The following ZDHHC14 variants were observed in gnomAD, a reference collection of about 807,000 sequenced individuals.
ZDHHC14 encodes the protein zDHHC palmitoyltransferase 14.
A neutral mutation model predicts 47.7 loss-of-function variants in ZDHHC14; 16 were observed. The ratio of observed to expected loss-of-function variants is 0.34; its 90% CI spans 0.23 to 0.51. The LOEUF (loss-of-function observed/expected upper bound fraction) is 0.51. ZDHHC14 is among the 20% of genes least tolerant of loss of function. ZDHHC14 has a pLI of 0.97. For missense variants in ZDHHC14, 515 were observed against 662.5 expected, an observed-to-expected ratio of 0.78 and a Z score of 2.44; for synonymous variants, 293 against 278.9, an observed-to-expected ratio of 1.05 and a Z score of -0.50.
intron 1 of ZDHHC14, among the ~76,000 whole-genome samples, chr6:157,512,477 C>G (rs569879833): frequency 6.6e-6 from 1 of 152,344 alleles, no homozygotes; most frequent in African/African-American, 2.4e-5. Flanking sequence ...GTCCGTGGCT[C>G]ACAGTTCATG....
At chr6:157,490,206 T>G (rs1232633689) in intron 1 of ZDHHC14, among the ~76,000 whole-genome samples, 2 of 152,042 alleles carry the variant, frequency 1.3e-5, no homozygotes, top group African/African-American at 4.8e-5. Context: ...GCGTGAAAAA[T>G]TATAAGGGTC....
At chr6:157,467,782 T>G (rs1779256172) in intron 1 of ZDHHC14, among the ~76,000 whole-genome samples, 1 of 152,106 alleles carries the variant, frequency 6.6e-6, no homozygotes, top group Non-Finnish European at 1.5e-5. Context: ...AATCCTGACC[T>G]CAGGTAATCC....
intron 7 of ZDHHC14, among the ~76,000 whole-genome samples, chr6:157,650,438 G>A (rs1313646830): frequency 6.6e-5 from 10 of 152,010 alleles, no homozygotes; most frequent in African/African-American, 1.9e-4. Context: ...GGAGAAGGAC[G>A]GGCAGAGCCT....
intron 1 of ZDHHC14, among the ~76,000 whole-genome samples, chr6:157,512,146 G>A (rs1002802746): frequency 8.5e-5 from 13 of 152,192 alleles, no homozygotes; most frequent in Non-Finnish European, 1.8e-4. Context: ...TTATCCTCAT[G>A]TTCGAGTGAA....
At chr6:157,437,850 G>A (rs1163655439) in intron 1 of ZDHHC14, among the ~76,000 whole-genome samples, 1 of 151,964 alleles carries the variant, frequency 6.6e-6, no homozygotes, top group Non-Finnish European at 1.5e-5. Context: ...TACAGAAGAA[G>A]GACAAGTACA....
chr6:157,516,561 T>C (rs1191652482), intron 1 of ZDHHC14, among the ~76,000 whole-genome samples: 1 of 152,214 alleles, frequency 6.6e-6, no homozygotes, highest in East Asian at 1.9e-4. Context: ...GTTGAATGAA[T>C]GTCTTCATGA....
At chr6:157,528,536 C>A (rs1229061866) in intron 1 of ZDHHC14, among the ~76,000 whole-genome samples, 1 of 151,984 alleles carries the variant, frequency 6.6e-6, no homozygotes, top group Non-Finnish European at 1.5e-5. Flanking sequence ...TCGAGACCAT[C>A]CTGGCTAACA....
chr6:157,642,950 C>T (rs995492130), intron 5 of ZDHHC14, among the ~76,000 whole-genome samples: 30 of 152,206 alleles, frequency 2.0e-4, no homozygotes, highest in Non-Finnish European at 4.3e-4. Context: ...GCCACCTGCC[C>T]CTTGGCAAGA....
chr6:157,409,839 TG>T (rs898936402), intron 1 of ZDHHC14, among the ~76,000 whole-genome samples: 21 of 150,506 alleles, frequency 1.4e-4, no homozygotes, highest in East Asian at 5.8e-4. Context: ...TTTTATTTTT[TG>T]GGGGGGGGGA....
At chr6:157,408,172 A>C (rs970503288) in intron 1 of ZDHHC14, among the ~76,000 whole-genome samples, 4 of 152,230 alleles carry the variant, frequency 2.6e-5, no homozygotes, top group Non-Finnish European at 1.5e-5. Flanking sequence ...CCGCCCAAAT[A>C]ACAGAGGCTT....
intron 1 of ZDHHC14, among the ~76,000 whole-genome samples, chr6:157,424,363 C>T (rs1447196946): frequency 2.6e-5 from 4 of 152,212 alleles, no homozygotes; most frequent in African/African-American, 7.2e-5. Flanking sequence ...TGTCAAGCCA[C>T]AGCTCAAGTA....
intron 2 of ZDHHC14, among the ~76,000 whole-genome samples, chr6:157,588,877 G>C (rs1472383601): frequency 2.0e-5 from 3 of 152,102 alleles, no homozygotes; most frequent in East Asian, 3.9e-4. Flanking sequence ...CCATAGTTGG[G>C]ACAAGCCAAG....
intron 3 of ZDHHC14, among the ~76,000 whole-genome samples, chr6:157,622,423 A>T (rs1027892923): frequency 3.3e-5 from 5 of 152,120 alleles, no homozygotes; most frequent in Non-Finnish European, 5.9e-5. Flanking sequence ...AATTGTTTTC[A>T]TCATTATTTA....
chr6:157,608,356 C>T (rs1232753898), intron 3 of ZDHHC14, among the ~76,000 whole-genome samples: 1 of 151,598 alleles, frequency 6.6e-6, no homozygotes, highest in Non-Finnish European at 1.5e-5. Flanking sequence ...TTAGAGATAC[C>T]CACCGAGAAG....
intron 1 of ZDHHC14, among the ~76,000 whole-genome samples, chr6:157,519,922 G>C (rs1010225462): frequency 3.9e-5 from 6 of 152,224 alleles, no homozygotes; most frequent in Admixed American, 3.9e-4. Flanking sequence ...GCAGGGCGAA[G>C]TGAAGTGAAT....
chr6:157,558,068 G>T (rs1275035814), intron 2 of ZDHHC14, among the ~76,000 whole-genome samples: 1 of 152,156 alleles, frequency 6.6e-6, no homozygotes, highest in East Asian at 1.9e-4. Context: ...CCAGTTATTG[G>T]GAGTATGATC....
chr6:157,511,692 C>G (rs2114751028), intron 1 of ZDHHC14, among the ~76,000 whole-genome samples: 1 of 152,116 alleles, frequency 6.6e-6, no homozygotes, highest in Admixed American at 6.5e-5. Context: ...CCGCGCCCGG[C>G]CCACATTTTT....
chr6:157,430,311 TAAAAAAA>T (rs67359917), intron 1 of ZDHHC14, among the ~76,000 whole-genome samples: 1 of 96,366 alleles, frequency 1.0e-5, no homozygotes, highest in Non-Finnish European at 2.1e-5. Flanking sequence ...CAAGACTGTG[TAAAAAAA>T]AAAAAAAAAA....
intron 8 of ZDHHC14, among the ~76,000 whole-genome samples, chr6:157,663,961 G>A (rs569463391): frequency 1.1e-4 from 16 of 152,284 alleles, no homozygotes; most frequent in South Asian, 2.1e-4. Flanking sequence ...TAACAGAAAC[G>A]TCCTAATTTG....
Sources: gnomAD v4.1 joint callset for allele counts (sites outside exome capture counted in the v4.1 genomes callset) on GRCh38, gnomAD v4.1.1 for gene constraint, MANE v1.5 for transcripts, NCBI Gene and HGNC (gene_info 2026-07-23, HGNC 2026-07-21) for gene names.